Variants in WNK4 observed in about 807,000 individuals in gnomAD.
The protein encoded by WNK4 is WNK lysine deficient protein kinase 4.
In WNK4, 94 loss-of-function variants were observed where a neutral mutation model predicts 116.2. The ratio of observed to expected loss-of-function variants is 0.81; its 90% CI spans 0.68 to 0.96. The LOEUF is 0.96. Among genes scored for constraint, WNK4 ranks in the 40% least tolerant of loss-of-function variants. The pLI, the probability that WNK4 is intolerant of heterozygous loss-of-function variation, is 0.00. For missense variants in WNK4, 1,542 were observed against 1,650.6 expected (o/e 0.93, Z 1.14); for synonymous variants, 655 against 672.7 (o/e 0.97, Z 0.41).
chr17:42,788,328 G>A lies in WNK4; in HGVS notation c.1961G>A (p.Gly654Glu). The change falls in exon 10 of 19, where the codon GGA becomes GAA. Residue 654 changes from glycine to glutamate, a missense_variant. Coordinates refer to ENST00000246914, the MANE Select transcript of WNK4 (RefSeq NM_032387.5). ...SDAASGLSDV[G>E]EGMGQMRRPP... ...GCAGCTTCAGGCCTTAGCGATGTGG[G>A]AGAAGGGATGGGACAAATGAGGAGA... is the stretch of plus-strand genomic sequence containing the variant. 6.2e-7 allele frequency: 1 copy of A among 1,614,124 alleles called. No homozygotes were observed. Among genetic ancestry groups the A allele is most frequent in the South Asian group, 1.1e-5 (1 of 91,080 alleles).
chr17:42,785,323 C>A lies in WNK4; in HGVS notation c.1317C>A (p.His439Gln). 1 of 1,612,240 alleles carries A rather than the reference C, an allele frequency of 6.2e-7. No homozygotes were observed. The highest frequency in any genetic ancestry group is 8.5e-7 in the Non-Finnish European group (1 of 1,179,288). The part of the protein sequence containing the change: ...HAFFREERGV[H>Q]VELAEEDDGE... ...TCTTCCGCGAGGAGCGCGGTGTGCA[C>A]GTGGAACTAGCGGAGGAGGACGACG... The change falls in exon 6 of 19, where the codon CAC becomes CAA. Residue 439 changes from histidine (H) to glutamine (Q), a missense_variant. Coordinates refer to ENST00000246914, the MANE Select transcript of WNK4 (RefSeq NM_032387.5).
In WNK4 at chr17:42,788,110, GA is replaced by G; in HGVS notation, c.1864-18del. The G allele has an allele frequency of 6.2e-7, 1 of 1,614,052 alleles. No homozygotes were observed. The highest frequency in any genetic ancestry group is 8.5e-7 in the Non-Finnish European group (1 of 1,179,972). The stretch of plus-strand genomic sequence containing the variant: ...AACAGTTATCTTCCCCTGACCTCAT[GA>G]ACCCTTATCCTGTTTCAGGCTTTTG... On this transcript the variant is annotated intron_variant, in intron 8 of 18. Coordinates refer to ENST00000246914, the MANE Select transcript of WNK4 (RefSeq NM_032387.5).
In WNK4 at chr17:42,795,137, T is replaced by G. The variant is rs1032321951; in HGVS notation, c.2716T>G (p.Phe906Val). ...TCAGGTCACTCTTAGTTCCCCTTTC[T>G]TTCCTCCGTGCCCCTCCACTTCTTC... ...CSQVTLSSPF[F>V]PPCPSTSSFP... Residue 906 changes from phenylalanine to valine, a missense_variant, in exon 14 of 19, where the codon TTT (phenylalanine) becomes GTT (valine). Coordinates refer to ENST00000246914, the MANE Select transcript of WNK4 (RefSeq NM_032387.5). The G allele has an allele frequency of 9.9e-6, 16 of 1,614,028 alleles. No homozygotes were observed. The highest frequency in any genetic ancestry group is 1.4e-5 in the Non-Finnish European group (16 of 1,179,986).
At chr17:42,791,816 G>A (rs1268801102) in intron 11 of WNK4, among the ~76,000 whole-genome samples, 1 of 151,784 alleles carries the variant, frequency 6.6e-6, no homozygotes, top group Non-Finnish European at 1.5e-5. Flanking sequence ...AATTAGCTGG[G>A]CATGGTGCCA....
At chr17:42,786,254 C>T (rs1456834845) in intron 6 of WNK4, among the ~76,000 whole-genome samples, 1 of 152,186 alleles carries the variant, frequency 6.6e-6, no homozygotes, top group Non-Finnish European at 1.5e-5. Context: ...TTACCCTTCC[C>T]CACCTCCTTT....
chr17:42,792,340 GGGT>G lies in WNK4; in HGVS notation c.2158-1248_2158-1246del, dbSNP rs372273128. ...CTGCTCCAGCTTCCCCCTATCCCCA[GGGT>G]GGTATTCTGTCTTTGGAATAGCATT... On this transcript the variant is annotated intron_variant, in intron 11 of 18. Coordinates refer to ENST00000246914, the MANE Select transcript of WNK4 (RefSeq NM_032387.5). Among the ~76,000 whole-genome samples the G allele has an allele frequency of 2.8e-3, 419 of 152,196 alleles. 1 individual carries two copies. The highest frequency in any genetic ancestry group is 9.0e-3 in the African/African-American group (375 of 41,542).
At chr17:42,789,669 T>A (rs2054588687) in intron 11 of WNK4, among the ~76,000 whole-genome samples, 1 of 123,634 alleles carries the variant, frequency 8.1e-6, no homozygotes, top group Non-Finnish European at 1.6e-5. Flanking sequence ...TGTCTAAAAA[T>A]AAATAAATAA....
chr17:42,795,939 T>C lies in WNK4; in HGVS notation c.3337T>C (p.Tyr1113His). 8.1e-6 allele frequency: 13 copies of C among 1,612,932 alleles called. No homozygotes were observed. The highest frequency in any genetic ancestry group is 1.1e-5 in the Non-Finnish European group (13 of 1,179,540). The change falls in exon 16 of 19, where the codon TAC becomes CAC. Residue 1113 changes from tyrosine to histidine, a missense_variant. Tyr to His is a moderately conservative substitution (Grantham distance 83). This residue lies in a region of WNK4 where 292 missense variants were observed against 290.1 expected (regional missense o/e 1.01). Transcript: ENST00000246914. ...LSHPSPVWMN[Y>H]SYSSLCLSSE... ...CCATCCCAGCCCAGTGTGGATGAACTACTCCTACAGCAGCCTGTGTTTGAG... is the reference window on the plus strand; with the variant it reads ...CCATCCCAGCCCAGTGTGGATGAACCACTCCTACAGCAGCCTGTGTTTGAG...
At position 42,796,561 on chromosome 17, in the gene WNK4, G is replaced by A. The variant is rs371087263; in HGVS notation, c.3712G>A (p.Gly1238Arg). Residue 1238 changes from glycine to arginine, a missense_variant, in exon 18 of 19, where the codon GGG becomes AGG. This residue lies in a region of WNK4 where 148 missense variants were observed against 157.2 expected (regional missense o/e 0.94). Transcript: ENST00000246914. ...GGCAAGCAAGGGGGTGACATTCGCC[G>A]GGGATGTTGGCAGGATGGTGAGGGC... ...QRASKGVTFA[G>R]DVGRM 1.7e-5 allele frequency: 27 copies of A among 1,614,088 alleles called. No homozygotes were observed. The highest frequency in any genetic ancestry group is 9.3e-5 in the African/African-American group (7 of 74,946).
Position 42,795,233 on chromosome 17 carries a change from G to A in WNK4, c.2812G>A (p.Ala938Thr). ...SAFSLAVMTV[A>T]QSLLSPSPGL... ...CTTCTCACTGGCTGTGATGACTGTG[G>A]CCCAGTCCCTGCTGTCCCCCTCACC... The change falls in exon 14 of 19, where the codon GCC (alanine) becomes ACC (threonine). Residue 938 changes from alanine (A) to threonine (T), a missense_variant. Physicochemically the swap from Ala to Thr is moderately conservative, Grantham distance 58. Transcript: ENST00000246914. The A allele has an allele frequency of 6.2e-7, 1 of 1,613,558 alleles. No homozygotes were observed. The highest frequency in any genetic ancestry group is 1.1e-5 in the South Asian group (1 of 91,044).
intron 2 of WNK4, among the ~76,000 whole-genome samples, chr17:42,783,197 C>T (rs1188118859): frequency 1.3e-5 from 2 of 152,160 alleles, no homozygotes; most frequent in African/African-American, 4.8e-5. Flanking sequence ...AACCTCTCCC[C>T]ACCTGGCTTT....
chr17:42,793,500 G>T (rs974012462), intron 11 of WNK4, 92 bp from the exon 12 acceptor site: 5 of 1,569,064 alleles, frequency 3.2e-6, no homozygotes, highest in South Asian at 2.3e-5. Context: ...GTGAGCCACC[G>T]CGCCCAGCCT....
At position 42,782,733 on chromosome 17, in the gene WNK4, A is replaced by C; in HGVS notation, c.619-25A>C. 2 of 1,613,626 alleles carry C rather than the reference A, an allele frequency of 1.2e-6. No individual in the cohort carries two copies. The highest frequency in any genetic ancestry group is 1.7e-6 in the Non-Finnish European group (2 of 1,179,940). Reference sequence around the variant, plus strand: ...TTTCTGTGGGTGTCCTGGGCCTGACATGACACCCGTCCCCCATCCCACAGA... The same window carrying C: ...TTTCTGTGGGTGTCCTGGGCCTGACCTGACACCCGTCCCCCATCCCACAGA... On this transcript the variant is annotated intron_variant, in intron 1 of 18. Coordinates refer to ENST00000246914, the MANE Select transcript of WNK4 (RefSeq NM_032387.5). The surrounding 1 kb of genome is among the most constrained non-coding windows in gnomAD (Gnocchi z 4.2).
At chr17:42,789,071 A>G (rs1270093538) in intron 11 of WNK4, among the ~76,000 whole-genome samples, 1 of 152,138 alleles carries the variant, frequency 6.6e-6, no homozygotes, top group Admixed American at 6.6e-5. Context: ...TAGATGTGCA[A>G]TACTGTGGCT....
rs61755631 is a variant in WNK4, at chr17:42,796,245, G to A, written c.3554G>A (p.Arg1185His). Residue 1185 changes from arginine to histidine, a missense_variant, in exon 17 of 19, where the codon CGC becomes CAC. Physicochemically the swap from Arg to His is conservative, Grantham distance 29. Transcript: ENST00000246914. The part of the protein sequence containing the change: ...IVAPAAMLSS[R>H]QRRLSKGSFP... Reference sequence around the variant, plus strand: ...GCCCCAGCTGCTATGCTGTCCAGCCGCCAGCGCCGCCTCTCCAAGGGCAGC... The same window carrying A: ...GCCCCAGCTGCTATGCTGTCCAGCCACCAGCGCCGCCTCTCCAAGGGCAGC... 28 of 1,611,386 alleles carry A rather than the reference G, an allele frequency of 1.7e-5. No homozygotes were observed. The highest frequency in any genetic ancestry group is 5.0e-5 in the Admixed American group (3 of 59,706).
intron 6 of WNK4, among the ~76,000 whole-genome samples, chr17:42,786,309 G>T (rs1437328848): frequency 6.6e-6 from 1 of 152,242 alleles, no homozygotes; most frequent in Non-Finnish European, 1.5e-5. Flanking sequence ...AGGAGGTGAT[G>T]AATGGAAGCT....
Position 42,787,894 on chromosome 17 carries a change from C to A in WNK4, c.1858C>A (p.Pro620Thr), listed in dbSNP as rs781005656. 1 of 1,609,950 alleles carries A rather than the reference C, an allele frequency of 6.2e-7. No homozygotes were observed. Among genetic ancestry groups the A allele is most frequent in the East Asian group, 2.2e-5 (1 of 44,848 alleles). ...SSLAESHLCL[P>T]SAFALSIPRS... ...CCTGGCTGAGTCCCATCTCTGCCTG[C>A]CCTCGGTGAGAGGGGGTCGCATGGG... Residue 620 changes from proline to threonine, a missense_variant, in exon 8 of 19, where the codon CCC (proline) becomes ACC (threonine). This residue lies in a region of WNK4 where 808 missense variants were observed against 873.6 expected (regional missense o/e 0.92). Transcript: ENST00000246914.
Position 42,785,392 on chromosome 17 carries a change from G to C in WNK4, c.1386G>C (p.Ala462=). 2 of 1,588,452 alleles carry C rather than the reference G, an allele frequency of 1.3e-6. No homozygotes were observed. The highest frequency in any genetic ancestry group is 1.7e-6 in the Non-Finnish European group (2 of 1,167,438). Residue 462 remains alanine (A), a synonymous_variant, in exon 6 of 19, where the codon GCG becomes GCC. Transcript: ENST00000246914. ...AGCTCTGGCTGCGCATGGAGGACGC[G>C]CGGCGCGGGGGGCGCCCACGGGACA... ...GLKLWLRMED[A]RRGGRPRDNQ... is the part of the protein sequence containing the mutation.
chr17:42,792,482 G>A (rs1228633893), intron 11 of WNK4, among the ~76,000 whole-genome samples: 1 of 152,150 alleles, frequency 6.6e-6, no homozygotes, highest in African/African-American at 2.4e-5. Flanking sequence ...CAGATCTCCA[G>A]GGGTTTTCTT....
Sources: allele counts gnomAD v4.1 joint callset (sites outside exome capture counted in the v4.1 genomes callset), GRCh38; gene constraint gnomAD v4.1.1; regional missense constraint gnomAD v4.1.1; non-coding constraint Gnocchi (gnomAD v3.1); transcripts MANE v1.5; gene names NCBI Gene and HGNC (gene_info 2026-07-23, HGNC 2026-07-21).